The following WWOX variants were observed in gnomAD, a reference collection of about 807,000 sequenced individuals.
WWOX encodes the protein WW domain containing oxidoreductase.
In WWOX, 69 loss-of-function variants were observed where a neutral mutation model predicts 46.2. That is an observed-to-expected ratio of 1.49 (90% confidence interval 1.23 to 1.82). WWOX has a LOEUF of 1.82. WWOX is among the 40% of genes most tolerant of loss of function. The pLI is 0.00. For synonymous variants in WWOX, 359 were observed against 202.6 expected (o/e 1.77, Z -6.56); for missense variants, 919 against 542.6 (o/e 1.69, Z -6.89).
chr16:78,637,107 C>T (rs1042697453), intron 8 of WWOX, among the ~76,000 whole-genome samples: 2 of 152,168 alleles, frequency 1.3e-5, no homozygotes, highest in African/African-American at 2.4e-5. Context: ...ATGCCCATCA[C>T]ACTGCCTGCA....
chr16:78,431,843 A>G (rs939668222), intron 7 of WWOX, among the ~76,000 whole-genome samples: 1 of 151,848 alleles, frequency 6.6e-6, no homozygotes, highest in Non-Finnish European at 1.5e-5. Context: ...CAGCCCCCCA[A>G]GTAGCTGGGA....
intron 5 of WWOX, among the ~76,000 whole-genome samples, chr16:78,317,536 G>A (rs139913752): frequency 0.015 from 2,253 of 152,284 alleles, 38 homozygotes; most frequent in South Asian, 0.062. Context: ...GTTGGATAAT[G>A]GCAGAGAAAA....
chr16:78,397,268 G>T (rs1194885180), intron 6 of WWOX, among the ~76,000 whole-genome samples: 4 of 151,586 alleles, frequency 2.6e-5, no homozygotes, highest in East Asian at 1.9e-4. Flanking sequence ...GCGCTAATTG[G>T]AGTATGGAAC....
chr16:78,374,370 C>G (rs1967196212), intron 5 of WWOX, among the ~76,000 whole-genome samples: 1 of 152,074 alleles, frequency 6.6e-6, no homozygotes, highest in Non-Finnish European at 1.5e-5. Context: ...ATAAAACAAA[C>G]TTCACTTGTT....
chr16:78,724,406 G>T (rs916888028), intron 8 of WWOX, among the ~76,000 whole-genome samples: 7 of 152,020 alleles, frequency 4.6e-5, no homozygotes, highest in African/African-American at 9.7e-5. Flanking sequence ...GCTTTTCCTT[G>T]TTCCAGAAGA....
At chr16:78,102,978 G>A (rs750373264) in intron 1 of WWOX, among the ~76,000 whole-genome samples, 1 of 152,156 alleles carries the variant, frequency 6.6e-6, no homozygotes, top group East Asian at 1.9e-4. Context: ...TCTGTGGGGC[G>A]TCTCCTCCTT....
intron 8 of WWOX, among the ~76,000 whole-genome samples, chr16:79,078,885 G>T (rs1220629659): frequency 6.6e-6 from 1 of 152,132 alleles, no homozygotes; most frequent in Non-Finnish European, 1.5e-5. Flanking sequence ...CACATAATAG[G>T]TGCTCAATAA....
At chr16:78,871,161 T>C (rs562061884) in intron 8 of WWOX, among the ~76,000 whole-genome samples, 1 of 149,936 alleles carries the variant, frequency 6.7e-6, no homozygotes, top group African/African-American at 2.5e-5. Context: ...ATTCCCAACT[T>C]TCGTGAAGGT....
Position 78,737,381 on chromosome 16 carries a change from C to T in WWOX, c.1056+304629C>T, listed in dbSNP as rs562709383. Among the ~76,000 whole-genome samples, 366 of 152,086 alleles carry T rather than the reference C, an allele frequency of 2.4e-3. 1 individual carries two copies. The highest frequency in any genetic ancestry group is 4.3e-3 in the Admixed American group (66 of 15,272). On this transcript the variant is annotated intron_variant, in intron 8 of 8. Transcript: ENST00000566780. Reference sequence around the variant, plus strand: ...GAACTTCTGACCTCAGAATGATCCGCCTGCCTCAGCCTCCCAAAGTGCTGG... The same window carrying T: ...GAACTTCTGACCTCAGAATGATCCGTCTGCCTCAGCCTCCCAAAGTGCTGG...
chr16:78,247,835 T>C (rs1348787342), intron 5 of WWOX, among the ~76,000 whole-genome samples: 1 of 152,162 alleles, frequency 6.6e-6, no homozygotes, highest in Non-Finnish European at 1.5e-5. Context: ...TCTCATACTT[T>C]ACTGAAGATG....
chr16:78,571,475 A>G (rs77386989), intron 8 of WWOX, among the ~76,000 whole-genome samples: 6,535 of 152,282 alleles, frequency 0.043, 233 homozygotes, highest in East Asian at 0.13. Flanking sequence ...TTGTTTTGCC[A>G]ACTTGACATG....
chr16:78,606,846 A>T (rs2045772393), intron 8 of WWOX, among the ~76,000 whole-genome samples: 1 of 151,774 alleles, frequency 6.6e-6, no homozygotes, highest in Non-Finnish European at 1.5e-5. Flanking sequence ...CCTGTGTTGA[A>T]TGTAACTGAG....
chr16:78,889,771 G>A (rs10451160), intron 8 of WWOX, among the ~76,000 whole-genome samples: 73,029 of 151,858 alleles, frequency 0.48, 17,518 homozygotes, highest in Admixed American at 0.51. Context: ...GTTTTGTTCC[G>A]CCTCGATCAC....
rs947387040 is a variant in WWOX at position 78,639,411 on chromosome 16, G to C, written c.1056+206659G>C. Among the ~76,000 whole-genome samples, 4 of 152,316 alleles carry C rather than the reference G, an allele frequency of 2.6e-5. No individual in the cohort carries two copies. In the South Asian group the frequency reaches 8.3e-4, roughly 32 times the overall value. On this transcript the variant is annotated intron_variant, in intron 8 of 8. Coordinates refer to ENST00000566780, the MANE Select transcript of WWOX (RefSeq NM_016373.4). ...CTCAGAATTATTCTCTCACTTTGCAGATGAGGAAATGGAAGTGCACAGAAG... is the reference window on the plus strand; with the variant it reads ...CTCAGAATTATTCTCTCACTTTGCACATGAGGAAATGGAAGTGCACAGAAG...
Position 78,748,837 on chromosome 16 carries a change from C to T in WWOX, c.1056+316085C>T, listed in dbSNP as rs2049411056. The stretch of plus-strand genomic sequence containing the variant: ...AGATGCTGCCCAAATCCTTGTAAAG[C>T]CATATATCTTAAGTAGGAAGGAGCA... On this transcript the variant is annotated intron_variant, in intron 8 of 8. Transcript: ENST00000566780. Among the ~76,000 whole-genome samples, 3 of 152,212 alleles carry T rather than the reference C, an allele frequency of 2.0e-5. No individual in the cohort carries two copies. In the South Asian group the frequency reaches 6.2e-4, roughly 32 times the overall value.
intron 8 of WWOX, chr16:79,203,928 AAC>A (rs1346728300): frequency 6.6e-6 from 1 of 152,154 alleles, no homozygotes; most frequent in Non-Finnish European, 1.5e-5. Flanking sequence ...GTTTCAAATA[AAC>A]ACACACTAAA....
chr16:79,099,616 G>C (rs2049151344), intron 8 of WWOX, among the ~76,000 whole-genome samples: 1 of 150,766 alleles, frequency 6.6e-6, no homozygotes, highest in African/African-American at 2.5e-5. Flanking sequence ...GAGAGAGAGA[G>C]AGAAATCTTT....
intron 6 of WWOX, among the ~76,000 whole-genome samples, chr16:78,418,575 A>G (rs934920082): frequency 1.3e-5 from 2 of 152,172 alleles, no homozygotes; most frequent in African/African-American, 2.4e-5. Context: ...TAGCAAGCCA[A>G]ATGCAGCCAC....
chr16:78,839,336 C>T (rs1276789326), intron 8 of WWOX, among the ~76,000 whole-genome samples: 3 of 152,012 alleles, frequency 2.0e-5, no homozygotes, highest in Admixed American at 6.6e-5. Context: ...CTAACTATCC[C>T]CTGGCTTGGT....
Sources: allele counts gnomAD v4.1 joint callset (sites outside exome capture counted in the v4.1 genomes callset), GRCh38; gene constraint gnomAD v4.1.1; transcripts MANE v1.5; gene names NCBI Gene and HGNC (gene_info 2026-07-23, HGNC 2026-07-21).